NDST4: variants seen among roughly 807,000 people sequenced by gnomAD.
The protein encoded by NDST4 is N-heparan sulfate sulfotransferase 4.
Under a neutral mutation model 100.8 loss-of-function variants are expected in NDST4, and 63 were observed. The observed-to-expected ratio is 0.62, with a 90% confidence interval of 0.51 to 0.77. The LOEUF (loss-of-function observed/expected upper bound fraction) is 0.77, where lower values mean the gene tolerates loss of function less well. Ranked by LOEUF, NDST4 falls within the 30% of genes least tolerant of loss-of-function variation. NDST4 has a pLI of 0.00. For missense variants in NDST4, 943 were observed against 1,018.4 expected (o/e 0.93, Z 1.01); for synonymous variants, 377 against 361.8 (o/e 1.04, Z -0.48).
intron 7 of NDST4, among the ~76,000 whole-genome samples, chr4:114,857,245 C>G (rs1367409268): frequency 3.3e-5 from 5 of 152,088 alleles, no homozygotes; most frequent in African/African-American, 1.2e-4. Flanking sequence ...ACTGCTGTAT[C>G]CAAGAAGAGA....
chr4:114,837,213 T>A (rs1463396421), intron 11 of NDST4, among the ~76,000 whole-genome samples: 1 of 152,158 alleles, frequency 6.6e-6, no homozygotes, highest in Non-Finnish European at 1.5e-5. Flanking sequence ...TTTTTGAAAT[T>A]TTCATCATTT....
chr4:114,895,064 C>T lies in NDST4; in HGVS notation c.1537-24114G>A, dbSNP rs560683280. 1.1e-4 allele frequency among the ~76,000 whole-genome samples: 16 copies of T among 152,130 alleles called. No homozygotes were observed. In the South Asian group the frequency reaches 3.3e-3, roughly 32 times the overall value. On this transcript the variant is annotated intron_variant, in intron 6 of 13. Transcript: ENST00000264363. ...AGCTCTCAAATCAATACCCTAAATT[C>T]ACAGTTAAAAGAGCTAGAGAAGCAA...
intron 12 of NDST4, among the ~76,000 whole-genome samples, chr4:114,832,604 CCA>C (rs760817286): frequency 4.2e-4 from 64 of 152,110 alleles, no homozygotes; most frequent in Non-Finnish European, 7.5e-4. Flanking sequence ...ATCTCCCATC[CCA>C]CATTCATTCC....
chr4:115,030,590 C>G (rs1728093985), intron 2 of NDST4, among the ~76,000 whole-genome samples: 1 of 151,968 alleles, frequency 6.6e-6, no homozygotes, highest in African/African-American at 2.4e-5. Flanking sequence ...AAAACAGAAA[C>G]TTTTTTTATT....
chr4:114,850,084 G>C (rs1270831143), intron 8 of NDST4, among the ~76,000 whole-genome samples: 2 of 152,122 alleles, frequency 1.3e-5, no homozygotes, highest in South Asian at 2.1e-4. Flanking sequence ...CTTTCTTAAG[G>C]GGGGTGGAGA....
At position 114,870,867 on chromosome 4, in the gene NDST4, C is replaced by T. The variant is rs977783854; in HGVS notation, c.1620G>A (p.Val540=). ...GCAATTTCAGGTTGGTCCAGCTCTGCACAAAGTTGACCAAGTTCACAAAGG... is the reference window on the plus strand; with the variant it reads ...GCAATTTCAGGTTGGTCCAGCTCTGTACAAAGTTGACCAAGTTCACAAAGG... The part of the protein sequence containing the change: ...LYTFVNLVNF[V]QSWTNLKLQT... Residue 540 remains valine, a synonymous_variant, in exon 7 of 14, where the codon GTG becomes GTA. Transcript: ENST00000264363. The T allele has an allele frequency of 3.7e-6, 6 of 1,613,100 alleles. No individual in the cohort carries two copies. In the African/African-American group the frequency reaches 8.0e-5, roughly 22 times the overall value.
At chr4:114,945,868 C>A (rs1465254566) in intron 4 of NDST4, among the ~76,000 whole-genome samples, 2 of 150,650 alleles carry the variant, frequency 1.3e-5, no homozygotes, top group Non-Finnish European at 2.9e-5. Context: ...ACTATGTGAC[C>A]CTGGAAATTG....
intron 2 of NDST4, among the ~76,000 whole-genome samples, chr4:115,042,418 C>T (rs1322703350): frequency 6.6e-6 from 1 of 151,992 alleles, no homozygotes; most frequent in Admixed American, 6.6e-5. Flanking sequence ...CCTCGCTTTG[C>T]CTTATCACAT....
intron 2 of NDST4, among the ~76,000 whole-genome samples, chr4:114,985,385 T>G (rs1726877366): frequency 6.6e-6 from 1 of 152,188 alleles, no homozygotes; most frequent in African/African-American, 2.4e-5. Flanking sequence ...TCAAACAATA[T>G]TAATTGGACT....
intron 2 of NDST4, among the ~76,000 whole-genome samples, chr4:115,005,286 A>T (rs183379538): frequency 1.3e-5 from 2 of 152,176 alleles, no homozygotes; most frequent in East Asian, 1.9e-4. Context: ...AACACATTAC[A>T]TAATATCATA....
rs1258452075 is a variant in NDST4, at chr4:115,010,265, A to G, written c.979-32991T>C. Among the ~76,000 whole-genome samples the G allele has an allele frequency of 4.0e-5, 5 of 125,062 alleles. 2 individuals carry two copies. The East Asian group carries it at 1.3e-3, about 32-fold the overall frequency. The allele number at this position is 125,062 out of a possible 152,430, so 82.0% of individuals were successfully genotyped here. ...TGTTTATTGCGGCGCTATTCACAAT[A>G]GCAAAGACTTGGAACCAACCCAAAT... On this transcript the variant is annotated intron_variant, in intron 2 of 13. Transcript: ENST00000264363.
intron 2 of NDST4, among the ~76,000 whole-genome samples, chr4:115,044,022 C>G (rs2126275540): frequency 6.6e-6 from 1 of 152,174 alleles, no homozygotes; most frequent in East Asian, 1.9e-4. Context: ...TTAACAAATT[C>G]AAAAGATACA....
chr4:114,861,502 C>T (rs1228621037), intron 7 of NDST4, among the ~76,000 whole-genome samples: 2 of 152,096 alleles, frequency 1.3e-5, no homozygotes, highest in Non-Finnish European at 1.5e-5. Flanking sequence ...GAGTAAATCT[C>T]ACTGATGGAT....
intron 1 of NDST4, among the ~76,000 whole-genome samples, chr4:115,098,283 G>T (rs1451364529): frequency 1.3e-5 from 2 of 152,102 alleles, no homozygotes; most frequent in Non-Finnish European, 2.9e-5. Flanking sequence ...AAATTCTAGA[G>T]AGTTTAAATT....
intron 7 of NDST4, among the ~76,000 whole-genome samples, chr4:114,864,347 T>C (rs1723979267): frequency 6.6e-6 from 1 of 152,224 alleles, no homozygotes; most frequent in Non-Finnish European, 1.5e-5. Context: ...TAAAGAAGAA[T>C]GCTATAAAAG....
At chr4:115,023,820 C>T (rs1727916773) in intron 2 of NDST4, among the ~76,000 whole-genome samples, 1 of 152,234 alleles carries the variant, frequency 6.6e-6, no homozygotes, top group African/African-American at 2.4e-5. Context: ...GATGGTGCTA[C>T]TTTTATGACA....
chr4:115,023,485 CAAAA>C (rs61136345), intron 2 of NDST4, among the ~76,000 whole-genome samples: 2 of 89,590 alleles, frequency 2.2e-5, no homozygotes, highest in African/African-American at 3.8e-5. Flanking sequence ...AATTCCATCT[CAAAA>C]AAAAAAAAAA....
chr4:114,928,936 C>T (rs755319347), intron 6 of NDST4, among the ~76,000 whole-genome samples: 3 of 152,040 alleles, frequency 2.0e-5, no homozygotes, highest in Non-Finnish European at 4.4e-5. Context: ...TTCTTGATTG[C>T]ATATCAGATC....
At chr4:114,960,125 A>G (rs1726229353) in intron 4 of NDST4, among the ~76,000 whole-genome samples, 2 of 152,240 alleles carry the variant, frequency 1.3e-5, no homozygotes, top group Admixed American at 6.5e-5. Flanking sequence ...AGTGGAAAGA[A>G]AAAAGAAAAT....
Sources: gnomAD v4.1 joint callset for allele counts (sites outside exome capture counted in the v4.1 genomes callset) on GRCh38, gnomAD v4.1.1 for gene constraint, MANE v1.5 for transcripts, NCBI Gene and HGNC (gene_info 2026-07-23, HGNC 2026-07-21) for gene names.